The following ADRA1D variants were observed in gnomAD, a reference collection of about 807,000 sequenced individuals.
ADRA1D encodes alpha-1D adrenergic receptor.
In ADRA1D, 22 loss-of-function variants were observed where a neutral mutation model predicts 18.6. That is an observed-to-expected ratio of 1.19 (90% CI 0.85 to 1.69). ADRA1D has a LOEUF of 1.69. Among genes scored for constraint, ADRA1D ranks in the 40% most tolerant of loss-of-function variants. The pLI is 0.00. For synonymous variants in ADRA1D, 376 were observed against 388.2 expected, an observed-to-expected ratio of 0.97 and a Z score of 0.37; for missense variants, 840 against 840.7, an observed-to-expected ratio of 1.00 and a Z score of 0.01.
At chr20:4,232,160 C>T (rs1438484017) in intron 1 of ADRA1D, among the ~76,000 whole-genome samples, 2 of 152,172 alleles carry the variant, frequency 1.3e-5, no homozygotes, top group African/African-American at 4.8e-5. Flanking sequence ...GTGATCCACC[C>T]GCCTCGGCTT....
chr20:4,226,646 G>C (rs1335966060), intron 1 of ADRA1D, among the ~76,000 whole-genome samples: 1 of 152,256 alleles, frequency 6.6e-6, no homozygotes, highest in East Asian at 1.9e-4. Context: ...TGAGTGTGCA[G>C]AGAAAGTCCC....
chr20:4,222,876 C>CA lies in ADRA1D; in HGVS notation c.1112-747dup, dbSNP rs1980706418. On this transcript the variant is annotated intron_variant, in intron 1 of 1. Transcript: ENST00000379453. The surrounding 1 kb of genome is among the most constrained non-coding windows in gnomAD (Gnocchi z 4.3). ...ATAACCTCTCTGAAGGGCTGGGCTA[C>CA]AGGGCTTAGTCTATAGTCCTCAATA... Among the ~76,000 whole-genome samples, 2 of 152,210 alleles carry CA rather than the reference C, an allele frequency of 1.3e-5. No individual in the cohort carries two copies. The highest frequency in any genetic ancestry group is 4.8e-5 in the African/African-American group (2 of 41,456).
chr20:4,228,962 T>G (rs563824481), intron 1 of ADRA1D, among the ~76,000 whole-genome samples: 20 of 152,290 alleles, frequency 1.3e-4, no homozygotes, highest in African/African-American at 4.8e-4. Flanking sequence ...TTGCCCCACA[T>G]GTTCCACCCC....
Position 4,248,195 on chromosome 20 carries a change from C to A in ADRA1D, c.763G>T (p.Ala255Ser). The stretch of plus-strand genomic sequence containing the variant: ...AAGGAGCACACGGAGGAGAAGACAG[C>A]GTAGCCCGCCTCCTCGGTGATACCG... Reference protein sequence around the residue: ...FCGITEEAGYAVFSSVCSFYL... With the variant: ...FCGITEEAGYSVFSSVCSFYL... The change falls in exon 1 of 2, where the codon GCT becomes TCT. Residue 255 changes from alanine (A) to serine (S), a missense_variant. Coordinates refer to ENST00000379453, the MANE Select transcript of ADRA1D (RefSeq NM_000678.4). The A allele has an allele frequency of 6.3e-7, 1 of 1,588,302 alleles. No individual in the cohort carries two copies. Among genetic ancestry groups the A allele is most frequent in the East Asian group, 2.3e-5 (1 of 43,790 alleles).
At chr20:4,247,112 A>G (rs1218961501) in intron 1 of ADRA1D, among the ~76,000 whole-genome samples, 3 of 152,232 alleles carry the variant, frequency 2.0e-5, no homozygotes, top group Non-Finnish European at 4.4e-5. Flanking sequence ...CTCTGAAGAC[A>G]GCTGCCTACC....
intron 1 of ADRA1D, among the ~76,000 whole-genome samples, chr20:4,234,369 T>C (rs977757586): frequency 2.0e-5 from 3 of 152,194 alleles, no homozygotes; most frequent in Non-Finnish European, 4.4e-5. Flanking sequence ...TCTTGGCAGA[T>C]TGTCAGAATT....
Position 4,248,283 on chromosome 20 carries a change from C to A in ADRA1D, c.675G>T (p.Leu225=). The A allele has an allele frequency of 6.2e-7, 1 of 1,608,392 alleles. No individual in the cohort carries two copies. The highest frequency in any genetic ancestry group is 8.5e-7 in the Non-Finnish European group (1 of 1,177,696). ...AILALLWVVA[L]VVSVGPLLGW... is the part of the protein sequence containing the mutation. ...CCAGCAGGGGCCCTACGGACACCAC[C>A]AGGGCTACGACCCAGAGCAGGGCCA... The change falls in exon 1 of 2, where the codon CTG becomes CTT. Residue 225 remains leucine (L), a synonymous_variant. Transcript: ENST00000379453.
At chr20:4,242,849 G>A (rs1357370991) in intron 1 of ADRA1D, among the ~76,000 whole-genome samples, 1 of 151,622 alleles carries the variant, frequency 6.6e-6, no homozygotes, top group Non-Finnish European at 1.5e-5. Context: ...AGTGACAGGG[G>A]TGGGGCTGTT....
intron 1 of ADRA1D, among the ~76,000 whole-genome samples, chr20:4,243,355 C>T (rs914157958): frequency 3.3e-5 from 5 of 152,028 alleles, no homozygotes; most frequent in Middle Eastern, 3.2e-3. Context: ...TCGGGGCATC[C>T]GGCTGAAGGA....
intron 1 of ADRA1D, among the ~76,000 whole-genome samples, chr20:4,235,947 G>A (rs1056776858): frequency 6.6e-6 from 1 of 152,210 alleles, no homozygotes; most frequent in South Asian, 2.1e-4. Context: ...AGAGGATCAA[G>A]CCATGCAGGA....
At chr20:4,231,064 T>TTCTTTCTTTCTTTCTTTCTCTCTC (rs1491147056) in intron 1 of ADRA1D, among the ~76,000 whole-genome samples, 15 of 98,004 alleles carry the variant, frequency 1.5e-4, no homozygotes, top group Admixed American at 4.4e-4. Context: ...CTTTCTTTCT[T>TTCTTTCTTTCTTTCTTTCTCTCTC]TCTCTCTCTC....
chr20:4,247,812 G>A (rs777402638), intron 1 of ADRA1D, 35 bp downstream of exon 1: 20 of 1,476,806 alleles, frequency 1.4e-5, no homozygotes, highest in African/African-American at 2.9e-5. Context: ...GGCTCAGGGA[G>A]AACAGGAGGG....
chr20:4,232,070 G>A (rs376885655), intron 1 of ADRA1D, among the ~76,000 whole-genome samples: 83 of 152,192 alleles, frequency 5.5e-4, no homozygotes, highest in Middle Eastern at 6.8e-3. Context: ...CCACAACCAC[G>A]CCTGGCTAAT....
chr20:4,248,285 G>A lies in ADRA1D; in HGVS notation c.673C>T (p.Leu225=), dbSNP rs1362245621. Residue 225 remains leucine (L), a synonymous_variant, in exon 1 of 2, where the codon CTG becomes TTG. Transcript: ENST00000379453. ...AGCAGGGGCCCTACGGACACCACCA[G>A]GGCTACGACCCAGAGCAGGGCCAGG... ...AILALLWVVA[L]VVSVGPLLGW... 2 of 1,608,550 alleles carry A rather than the reference G, an allele frequency of 1.2e-6. No homozygotes were observed. Among genetic ancestry groups the A allele is most frequent in the Admixed American group, 3.4e-5 (2 of 59,222 alleles).
In ADRA1D at chr20:4,247,955, C is replaced by G. The variant is rs1468973646; in HGVS notation, c.1003G>C (p.Val335Leu). Residue 335 changes from valine to leucine, a missense_variant, in exon 1 of 2, where the codon GTG becomes CTG. Coordinates refer to ENST00000379453, the MANE Select transcript of ADRA1D (RefSeq NM_000678.4). Reference sequence around the variant, plus strand: ...TCACGGGAGAACTTGAGCAGGCGCACGGAGAGCGAGCTGCGGAAGGTGTGG... The same window carrying G: ...TCACGGGAGAACTTGAGCAGGCGCAGGGAGAGCGAGCTGCGGAAGGTGTGG... The part of the protein sequence containing the change: ...KGHTFRSSLS[V>L]RLLKFSREKK... 7 of 1,594,436 alleles carry G rather than the reference C, an allele frequency of 4.4e-6. No individual in the cohort carries two copies. The highest frequency in any genetic ancestry group is 1.1e-5 in the South Asian group (1 of 88,102).
rs191002054 is a variant in ADRA1D, at chr20:4,248,032, C to G, written c.926G>C (p.Arg309Pro). 141 of 1,553,038 alleles carry G rather than the reference C, an allele frequency of 9.1e-5. 1 individual carries two copies. The African/African-American group carries it at 1.5e-3, about 16-fold the overall frequency. The change falls in exon 1 of 2, where the codon CGC becomes CCC. Residue 309 changes from arginine (R) to proline (P), a missense_variant. Transcript: ENST00000379453. ...ASEVVLRIHCRGAATGADGAH... is the reference protein window; with the variant it reads ...ASEVVLRIHCPGAATGADGAH... The stretch of plus-strand genomic sequence containing the variant: ...CCCGTCGGCGCCCGTGGCCGCGCCG[C>G]GACAGTGGATGCGCAGCACCACCTC...
chr20:4,248,438 C>T lies in ADRA1D; in HGVS notation c.520G>A (p.Ala174Thr). 1 of 1,611,718 alleles carries T rather than the reference C, an allele frequency of 6.2e-7. No individual in the cohort carries two copies. Among genetic ancestry groups the T allele is most frequent in the African/African-American group, 1.3e-5 (1 of 75,036 alleles). ...FGRAFCDVWA[A>T]VDVLCCTASI... Reference sequence around the variant, plus strand: ...GCCGTGCAGCACAGCACGTCCACGGCGGCCCATACGTCGCAGAAGGCGCGG... The same window carrying T: ...GCCGTGCAGCACAGCACGTCCACGGTGGCCCATACGTCGCAGAAGGCGCGG... Residue 174 changes from alanine to threonine, a missense_variant, in exon 1 of 2, where the codon GCC becomes ACC. Coordinates refer to ENST00000379453, the MANE Select transcript of ADRA1D (RefSeq NM_000678.4).
chr20:4,224,206 T>TA (rs2122654847), intron 1 of ADRA1D, among the ~76,000 whole-genome samples: 1 of 152,244 alleles, frequency 6.6e-6, no homozygotes, highest in South Asian at 2.1e-4. Flanking sequence ...AGGTGAGAGA[T>TA]AGAGCCTGGA....
chr20:4,236,811 A>G (rs1019109696), intron 1 of ADRA1D, among the ~76,000 whole-genome samples: 10 of 152,062 alleles, frequency 6.6e-5, no homozygotes, highest in Non-Finnish European at 1.5e-4. Flanking sequence ...CATTCTGCGG[A>G]TAGATGGAGG....
Sources: gnomAD v4.1 joint callset for allele counts (sites outside exome capture counted in the v4.1 genomes callset) on GRCh38, gnomAD v4.1.1 for gene constraint, Gnocchi (gnomAD v3.1) non-coding constraint, MANE v1.5 for transcripts, NCBI Gene and HGNC (gene_info 2026-07-23, HGNC 2026-07-21) for gene names.